The following ZSCAN18 variants were observed in gnomAD, a reference collection of about 807,000 sequenced individuals.
ZSCAN18 encodes zinc finger and SCAN domain-containing protein 18.
ZSCAN18 carries 16 observed loss-of-function variants against 31.1 expected under a neutral mutation model. That is an observed-to-expected ratio of 0.51 (90% CI 0.35 to 0.78). The LOEUF (loss-of-function observed/expected upper bound fraction) is 0.78. Among genes scored for constraint, ZSCAN18 ranks in the 30% least tolerant of loss-of-function variants. The pLI, the probability that ZSCAN18 is intolerant of heterozygous loss-of-function variation, is 0.01. For synonymous variants in ZSCAN18, 375 were observed against 320.7 expected (o/e 1.17, Z -1.81); for missense variants, 731 against 697.4 (o/e 1.05, Z -0.54).
At chr19:58,098,571 G>A (rs1199957710), upstream of ZSCAN18, among the ~76,000 whole-genome samples, 1 of 152,206 alleles carries the variant, frequency 6.6e-6, no homozygotes, top group Non-Finnish European at 1.5e-5. Flanking sequence ...CTCGGGGGCA[G>A]ACCAAGACGC....
chr19:58,102,485 CAAACA>C (rs2074603303), upstream of ZSCAN18, among the ~76,000 whole-genome samples: 3 of 151,974 alleles, frequency 2.0e-5, no homozygotes, highest in Non-Finnish European at 4.4e-5. Flanking sequence ...AACAAACAAA[CAAACA>C]AACCATATAC....
At chr19:58,092,955 T>G (rs954157162) in intron 1 of ZSCAN18, among the ~76,000 whole-genome samples, 1 of 151,970 alleles carries the variant, frequency 6.6e-6, no homozygotes, top group Non-Finnish European at 1.5e-5. Flanking sequence ...TTAATTTGTT[T>G]TGTAGAGACA....
intron 3 of ZSCAN18, chr19:58,087,636 CTTT>C (rs35453706): frequency 6.2e-5 from 26 of 421,918 alleles, no homozygotes; most frequent in Admixed American, 8.3e-5. Context: ...TCATGGAAAT[CTTT>C]TTTTTTTTTG....
At chr19:58,100,766 G>A (rs1448219785), upstream of ZSCAN18, among the ~76,000 whole-genome samples, 1 of 151,680 alleles carries the variant, frequency 6.6e-6, no homozygotes, top group East Asian at 1.9e-4. Context: ...GCCTGTAATT[G>A]CAGCTGCTCG....
intron 1 of ZSCAN18, chr19:58,108,760 T>C (rs1316721819): frequency 1.0e-6 from 1 of 985,652 alleles, no homozygotes; most frequent in Admixed American, 6.1e-5. Flanking sequence ...TCCTTTGTGT[T>C]GTTCCTTTCT....
At chr19:58,117,157 C>T (rs1249660801) in intron 1 of ZSCAN18, among the ~76,000 whole-genome samples, 1 of 152,134 alleles carries the variant, frequency 6.6e-6, no homozygotes, top group Admixed American at 6.5e-5. Flanking sequence ...GGATTTTGGA[C>T]AGAGACGATG....
intron 3 of ZSCAN18, chr19:58,088,485 G>A (rs2074331483): frequency 1.8e-6 from 1 of 554,938 alleles, no homozygotes; most frequent in African/African-American, 1.9e-5. Context: ...TGGTAAGTAT[G>A]GATGATCTGC....
intron 1 of ZSCAN18, among the ~76,000 whole-genome samples, chr19:58,104,420 C>T (rs529024911): frequency 1.3e-5 from 2 of 150,646 alleles, no homozygotes; most frequent in Non-Finnish European, 1.5e-5. Context: ...AAGTCTGGGC[C>T]GGGTGTGGTG....
At position 58,090,195 on chromosome 19, in the gene ZSCAN18, A is replaced by G. The variant is rs752334506; in HGVS notation, c.73T>C (p.Ser25Pro). The change falls in exon 2 of 7, where the codon TCA becomes CCA. Residue 25 changes from serine to proline, a missense_variant. Transcript: ENST00000601144. The surrounding 1 kb of genome is among the most constrained non-coding windows in gnomAD (Gnocchi z 4.7). Reference sequence around the variant, plus strand: ...TCTTCCTGCTGGACTCCGGCTGCTGACCCCGGCGTGGGCAGATCCGGCGGG... The same window carrying G: ...TCTTCCTGCTGGACTCCGGCTGCTGGCCCCGGCGTGGGCAGATCCGGCGGG... Reference protein sequence around the residue: ...PAPPDLPTPGSAAGVQQEEPE... With the variant: ...PAPPDLPTPGPAAGVQQEEPE... 1.9e-6 allele frequency: 3 copies of G among 1,613,328 alleles called. No homozygotes were observed. Among genetic ancestry groups the G allele is most frequent in the Non-Finnish European group, 2.5e-6 (3 of 1,179,974 alleles).
intron 1 of ZSCAN18, among the ~76,000 whole-genome samples, chr19:58,104,292 T>C (rs1190354090): frequency 6.6e-6 from 1 of 151,932 alleles, no homozygotes; most frequent in Non-Finnish European, 1.5e-5. Context: ...GGCAGGAGAA[T>C]TGCTTGAACC....
chr19:58,089,354 G>A (rs1413407378), intron 2 of ZSCAN18, among the ~76,000 whole-genome samples: 2 of 144,092 alleles, frequency 1.4e-5, no homozygotes, highest in African/African-American at 2.6e-5. Context: ...TGGGCTGGGT[G>A]TGGTGGCTCA....
chr19:58,085,463 C>G (rs1451802760), intron 6 of ZSCAN18, 84 bp from the exon 7 acceptor site: 4 of 1,257,968 alleles, frequency 3.2e-6, no homozygotes, highest in South Asian at 3.0e-5. Context: ...GCTGCCGGAA[C>G]AGCGCACAGG....
intron 1 of ZSCAN18, among the ~76,000 whole-genome samples, chr19:58,112,015 T>C (rs1431500361): frequency 6.6e-6 from 1 of 152,128 alleles, no homozygotes; most frequent in Non-Finnish European, 1.5e-5. Context: ...GACCCCTGCC[T>C]TTCTTTACTT....
intron 2 of ZSCAN18, among the ~76,000 whole-genome samples, chr19:58,089,302 CAAAAAAAAAA>C (rs374086957): frequency 6.6e-5 from 3 of 45,292 alleles, no homozygotes; most frequent in Non-Finnish European, 1.2e-4. Context: ...GACTCCGTCT[CAAAAAAAAAA>C]AAAAAAAAAA....
chr19:58,109,518 G>C (rs2074662423), intron 1 of ZSCAN18, among the ~76,000 whole-genome samples: 1 of 152,118 alleles, frequency 6.6e-6, no homozygotes, highest in Non-Finnish European at 1.5e-5. Flanking sequence ...CCCGAGACTA[G>C]ACACTATCCA....
intron 6 of ZSCAN18, chr19:58,085,709 G>GC (rs2074264877): frequency 4.9e-6 from 2 of 411,986 alleles, no homozygotes; most frequent in Non-Finnish European, 8.7e-6. Flanking sequence ...GATGCACGAT[G>GC]CAAGGAGAGC....
In ZSCAN18 at chr19:58,094,948, A is replaced by G. The variant is rs564312970; in HGVS notation, c.-120+3226T>C. Among the ~76,000 whole-genome samples, 148 of 150,362 alleles carry G rather than the reference A, an allele frequency of 9.8e-4. 1 individual carries two copies. The highest frequency in any genetic ancestry group is 1.9e-3 in the Non-Finnish European group (127 of 67,816). ...GGCACACACCTGTGGTCCCAGCTAC[A>G]TGGGAGGCTAATGTGGGAGGACCCC... On this transcript the variant is annotated intron_variant, in intron 1 of 6. Coordinates refer to ENST00000601144, the MANE Select transcript of ZSCAN18 (RefSeq NM_001145543.2).
At chr19:58,086,851 C>T in intron 5 of ZSCAN18, 55 bp downstream of exon 5, 1 of 1,411,804 alleles carries the variant, frequency 7.1e-7, no homozygotes, top group Non-Finnish European at 9.9e-7. Context: ...CCTGCACCAA[C>T]CCCTGCGGAA....
At chr19:58,087,291 C>G (rs779294481) in intron 4 of ZSCAN18, 25 bp downstream of exon 4, 1 of 1,582,808 alleles carries the variant, frequency 6.3e-7, no homozygotes, top group Non-Finnish European at 8.6e-7. Context: ...CAAGGCCCCT[C>G]ACCCACCTGC....
Sources: allele counts gnomAD v4.1 joint callset (sites outside exome capture counted in the v4.1 genomes callset), GRCh38; gene constraint gnomAD v4.1.1; non-coding constraint Gnocchi (gnomAD v3.1); transcripts MANE v1.5; gene names NCBI Gene and HGNC (gene_info 2026-07-23, HGNC 2026-07-21).